The following CDK14 variants were observed in gnomAD, a reference collection of about 807,000 sequenced individuals.
CDK14 encodes the protein cyclin dependent kinase 14.
In CDK14, 34 loss-of-function variants were observed where a neutral mutation model predicts 60.7. That is an observed-to-expected ratio of 0.56 (90% CI 0.43 to 0.75). The LOEUF (loss-of-function observed/expected upper bound fraction) is 0.75, where lower values mean the gene tolerates loss of function less well. CDK14 is among the 30% of genes least tolerant of loss of function. The pLI is 0.00. For missense variants in CDK14, 482 were observed against 564.1 expected (o/e 0.85, Z 1.47); for synonymous variants, 197 against 203.7 (o/e 0.97, Z 0.28).
chr7:90,792,767 C>A (rs746625160), intron 5 of CDK14, among the ~76,000 whole-genome samples: 49 of 152,114 alleles, frequency 3.2e-4, no homozygotes, highest in Admixed American at 5.9e-4. Context: ...CTCTGTTAGC[C>A]GTATAATATT....
chr7:91,137,699 T>G (rs201232706), intron 14 of CDK14, among the ~76,000 whole-genome samples: 56,551 of 140,632 alleles, frequency 0.4, 10,868 homozygotes, highest in African/African-American at 0.54. Flanking sequence ...GGGGGGTGTG[T>G]GTGTGTGTGT....
At chr7:91,039,319 A>G (rs1323768342) in intron 10 of CDK14, among the ~76,000 whole-genome samples, 2 of 152,220 alleles carry the variant, frequency 1.3e-5, no homozygotes, top group African/African-American at 4.8e-5. Context: ...TTTTAAAAAA[A>G]TCGTTTATCT....
At chr7:91,113,130 A>G (rs938497814) in intron 13 of CDK14, among the ~76,000 whole-genome samples, 8 of 152,254 alleles carry the variant, frequency 5.3e-5, no homozygotes, top group Non-Finnish European at 1.2e-4. Context: ...TGCAGTACAC[A>G]GAGGAGCCGA....
At chr7:91,143,223 G>C (rs958947866) in intron 14 of CDK14, among the ~76,000 whole-genome samples, 1 of 152,144 alleles carries the variant, frequency 6.6e-6, no homozygotes, top group African/African-American at 2.4e-5. Flanking sequence ...TTTGAAGCTG[G>C]ACAAGAAATG....
At chr7:90,602,289 A>C (rs905369770) in intron 1 of CDK14, among the ~76,000 whole-genome samples, 4 of 152,230 alleles carry the variant, frequency 2.6e-5, no homozygotes, top group African/African-American at 9.6e-5. Context: ...GTGTTCCATT[A>C]ATCTTTGTTA....
rs1276324692 is a variant in CDK14 at position 90,837,309 on chromosome 7, A to G, written c.545-25866A>G. On this transcript the variant is annotated intron_variant, in intron 5 of 14. Transcript: ENST00000380050. Reference sequence around the variant, plus strand: ...CTTTTTTCTTTTTTTTTTTTTTGAGATGGAGTCTCGCTCTATCACCCAGGC... The same window carrying G: ...CTTTTTTCTTTTTTTTTTTTTTGAGGTGGAGTCTCGCTCTATCACCCAGGC... Among the ~76,000 whole-genome samples the G allele has an allele frequency of 4.8e-5, 7 of 144,670 alleles. No homozygotes were observed. In the East Asian group the frequency reaches 8.0e-4, roughly 17 times the overall value. The allele number at this position is 144,670 out of a possible 152,430, so 94.9% of individuals were successfully genotyped here.
intron 5 of CDK14, among the ~76,000 whole-genome samples, chr7:90,838,497 A>G (rs1790186725): frequency 6.6e-6 from 1 of 152,204 alleles, no homozygotes; most frequent in Admixed American, 6.5e-5. Context: ...GAATAGAGCC[A>G]TATTTTTCTT....
At chr7:91,166,892 G>A (rs919104506) in intron 14 of CDK14, among the ~76,000 whole-genome samples, 5 of 152,166 alleles carry the variant, frequency 3.3e-5, no homozygotes, top group African/African-American at 7.2e-5. Flanking sequence ...GAGGGCAACC[G>A]CCCAGGCCCT....
intron 6 of CDK14, among the ~76,000 whole-genome samples, chr7:90,882,546 A>G (rs936147689): frequency 2.0e-5 from 3 of 152,198 alleles, no homozygotes; most frequent in African/African-American, 4.8e-5. Context: ...CAAGACAGGA[A>G]ATTAACAAGG....
chr7:90,896,229 T>C (rs772293971), intron 6 of CDK14, among the ~76,000 whole-genome samples: 6 of 152,130 alleles, frequency 3.9e-5, no homozygotes, highest in Non-Finnish European at 7.4e-5. Flanking sequence ...GTATATTTAT[T>C]ATCATTCATT....
intron 2 of CDK14, among the ~76,000 whole-genome samples, chr7:90,692,100 A>G (rs376893305): frequency 3.3e-5 from 5 of 152,232 alleles, no homozygotes; most frequent in Admixed American, 6.5e-5. Context: ...GTGTGCTCCA[A>G]TCTGCGAAAT....
intron 14 of CDK14, among the ~76,000 whole-genome samples, chr7:91,142,880 T>C (rs1240787808): frequency 1.3e-5 from 2 of 152,244 alleles, no homozygotes; most frequent in East Asian, 3.8e-4. Flanking sequence ...AGCAAACATT[T>C]ACTAAATGCC....
intron 4 of CDK14, among the ~76,000 whole-genome samples, chr7:90,785,238 T>C (rs1486888225): frequency 6.6e-6 from 1 of 152,236 alleles, no homozygotes; most frequent in African/African-American, 2.4e-5. Context: ...TAATTTCTTC[T>C]AGGTGTTAGC....
At chr7:91,011,791 T>A (rs1273148577) in intron 10 of CDK14, among the ~76,000 whole-genome samples, 1 of 152,240 alleles carries the variant, frequency 6.6e-6, no homozygotes, top group East Asian at 1.9e-4. Context: ...TAAAAGTTTT[T>A]AAAAAATCTC....
rs554881902 is a variant in CDK14 at position 90,710,634 on chromosome 7, C to T, written c.124-15933C>T. 33 of 807,476 alleles carry T rather than the reference C, an allele frequency of 4.1e-5. 1 individual carries two copies. The highest frequency in any genetic ancestry group is 1.9e-4 in the Admixed American group (3 of 15,992). 50.0% of individuals were successfully genotyped at this position (807,476 alleles called of 1,614,324 possible). ...TTTATGTACAGAAGTGATAATTCTT[C>T]GTGCAGTTCTGCGTGAAGTGCCAGC... On this transcript the variant is annotated intron_variant, in intron 2 of 14. Coordinates refer to ENST00000380050, the MANE Select transcript of CDK14 (RefSeq NM_001287135.2).
chr7:91,180,296 T>A (rs562677068), intron 14 of CDK14, among the ~76,000 whole-genome samples: 1 of 152,232 alleles, frequency 6.6e-6, no homozygotes, highest in South Asian at 2.1e-4. Flanking sequence ...TTACCCTTCC[T>A]AGTTTTGGAG....
chr7:90,660,871 C>T (rs1239019378), intron 2 of CDK14, among the ~76,000 whole-genome samples: 1 of 152,192 alleles, frequency 6.6e-6, no homozygotes, highest in African/African-American at 2.4e-5. Flanking sequence ...CATGGAAATG[C>T]ATACACTGAC....
At chr7:90,895,369 C>T (rs1389531154) in intron 6 of CDK14, among the ~76,000 whole-genome samples, 645 of 3,680 alleles carry the variant, frequency 0.18, 46 homozygotes, top group Non-Finnish European at 0.2. Context: ...ACCTCTCCTC[C>T]CCTCCCCTCT....
At chr7:90,941,637 A>G (rs1052926051) in intron 8 of CDK14, among the ~76,000 whole-genome samples, 6 of 150,902 alleles carry the variant, frequency 4.0e-5, no homozygotes, top group African/African-American at 1.2e-4. Context: ...AATTTTTTGT[A>G]GACATGACAT....
Sources: allele counts gnomAD v4.1 joint callset (sites outside exome capture counted in the v4.1 genomes callset), GRCh38; gene constraint gnomAD v4.1.1; transcripts MANE v1.5; gene names NCBI Gene and HGNC (gene_info 2026-07-23, HGNC 2026-07-21).